UBA3: variants seen among roughly 807,000 people sequenced by gnomAD.
The protein encoded by UBA3 is NEDD8-activating enzyme E1 catalytic subunit.
A neutral mutation model predicts 73.5 loss-of-function variants in UBA3; 26 were observed. That is an observed-to-expected ratio of 0.35 (90% CI 0.26 to 0.49). The LOEUF is 0.49. Among genes scored for constraint, UBA3 ranks in the 20% least tolerant of loss-of-function variants. The probability of loss-of-function intolerance (pLI) is 0.98; values close to 1 mark genes in which losing one functional copy is unlikely to be tolerated. For synonymous variants in UBA3, 217 were observed against 191.2 expected (o/e 1.13, Z -1.11); for missense variants, 495 against 555.6 (o/e 0.89, Z 1.10).
Position 69,062,085 on chromosome 3 carries a change from G to T in UBA3, c.788C>A (p.Pro263His), listed in dbSNP as rs749341901. The change falls in exon 10 of 18, where the codon CCT becomes CAT. Residue 263 changes from proline to histidine, a missense_variant. Transcript: ENST00000361055. ...TAAATTAGGTTTATTACCTCCAAAA[G>T]GCTGCTCCTTAGGCCACTGCAACAT... Reference protein sequence around the residue: ...VRMLQWPKEQPFGEGVPLDGD... With the variant: ...VRMLQWPKEQHFGEGVPLDGD... 6.9e-6 allele frequency: 11 copies of T among 1,604,972 alleles called. No individual in the cohort carries two copies. Among genetic ancestry groups the T allele is most frequent in the Admixed American group, 1.7e-5 (1 of 59,398 alleles).
chr3:69,078,504 C>T (rs1485807095), intron 2 of UBA3, among the ~76,000 whole-genome samples: 3 of 152,074 alleles, frequency 2.0e-5, no homozygotes, highest in Non-Finnish European at 4.4e-5. Context: ...GACAGAGTCT[C>T]ACTGTGTTGC....
intron 2 of UBA3, 103 bp downstream of exon 2, chr3:69,080,009 C>T: frequency 9.0e-7 from 1 of 1,112,802 alleles, no homozygotes; most frequent in Non-Finnish European, 1.3e-6. Flanking sequence ...CTCCGGGTGT[C>T]CCCCTCCCAG....
chr3:69,062,093 C>T lies in UBA3; in HGVS notation c.780G>A (p.Lys260=). 6.2e-7 allele frequency: 1 copy of T among 1,611,608 alleles called. No individual in the cohort carries two copies. The highest frequency in any genetic ancestry group is 8.5e-7 in the Non-Finnish European group (1 of 1,178,254). ...GTTTATTACCTCCAAAAGGCTGCTCCTTAGGCCACTGCAACATCCTTACAT... is the reference window on the plus strand; with the variant it reads ...GTTTATTACCTCCAAAAGGCTGCTCTTTAGGCCACTGCAACATCCTTACAT... ...IEYVRMLQWP[K]EQPFGEGVPL... The change falls in exon 10 of 18, where the codon AAG becomes AAA. Residue 260 remains lysine, a synonymous_variant. Transcript: ENST00000361055.
At chr3:69,063,378 T>G in intron 8 of UBA3, 61 bp downstream of exon 8, 1 of 1,496,960 alleles carries the variant, frequency 6.7e-7, no homozygotes, top group South Asian at 1.2e-5. Context: ...ATTCTAATTT[T>G]GGGGATGTGA....
chr3:69,059,724 G>T (rs1239800064), intron 11 of UBA3, among the ~76,000 whole-genome samples: 2 of 152,058 alleles, frequency 1.3e-5, no homozygotes, highest in African/African-American at 4.8e-5. Context: ...TAAATGTAAG[G>T]AAATAATCAC....
At position 69,071,502 on chromosome 3, in the gene UBA3, A is replaced by G. The variant is rs761540546; in HGVS notation, c.347+33T>C. 18 of 1,261,604 alleles carry G rather than the reference A, an allele frequency of 1.4e-5. No homozygotes were observed. In the African/African-American group the frequency reaches 2.8e-4, roughly 19 times the overall value. 78.2% of individuals were successfully genotyped at this position (1,261,604 alleles called of 1,614,324 possible). On this transcript the variant is annotated intron_variant, in intron 5 of 17. Coordinates refer to ENST00000361055, the MANE Select transcript of UBA3 (RefSeq NM_003968.4). ...AAGTTCAAATGATTATCAGAGCTTA[A>G]AAAAAGAAAACCGCTAAGATATTAA...
At chr3:69,073,551 A>G (rs188573160) in intron 4 of UBA3, among the ~76,000 whole-genome samples, 168 of 152,300 alleles carry the variant, frequency 1.1e-3, no homozygotes, top group African/African-American at 3.9e-3. Flanking sequence ...TATTTGTTCA[A>G]TGCTGTATCT....
rs201512751 is a variant in UBA3 at position 69,080,346 on chromosome 3, T to C, written c.8A>G (p.Asp3Gly). 3.1e-4 allele frequency: 500 copies of C among 1,595,748 alleles called. 3 individuals carry two copies. In the African/African-American group the frequency reaches 6.0e-3, roughly 19 times the overall value. MA[D>G]GEEPEKKRRR... The stretch of plus-strand genomic sequence containing the variant: ...CCCCGGTACTTACGGCTCCTCGCCA[T>C]CCGCCATATTGTTCTCCGCCTCTTC... Residue 3 changes from aspartate to glycine, a missense_variant, in exon 1 of 18, where the codon GAT becomes GGT. Transcript: ENST00000361055.
At chr3:69,057,924 CTT>C (rs368333207) in intron 11 of UBA3, among the ~76,000 whole-genome samples, 6 of 115,468 alleles carry the variant, frequency 5.2e-5, no homozygotes, top group East Asian at 4.9e-4. Flanking sequence ...CCACATTTTT[CTT>C]TTTTTTTTTT....
chr3:69,060,296 A>C (rs2092011143), intron 11 of UBA3, among the ~76,000 whole-genome samples: 2 of 152,126 alleles, frequency 1.3e-5, no homozygotes, highest in African/African-American at 2.4e-5. Flanking sequence ...AAAACAAAAA[A>C]AAAAAGACAC....
chr3:69,056,594 GTTC>G lies in UBA3; in HGVS notation c.1083+15_1083+17del. 2 of 1,578,058 alleles carry G rather than the reference GTTC, an allele frequency of 1.3e-6. No homozygotes were observed. Among genetic ancestry groups the G allele is most frequent in the Non-Finnish European group, 1.7e-6 (2 of 1,155,836 alleles). On this transcript the variant is annotated intron_variant, in intron 14 of 17. Transcript: ENST00000361055. ...TCAAAATATGCATGATCAAAAATGT[GTTC>G]TTAATACTACTAACCTTTCTTTCTG...
At chr3:69,064,235 G>C (rs1240225084) in intron 6 of UBA3, 124 bp from the exon 7 acceptor site, 18 of 757,490 alleles carry the variant, frequency 2.4e-5, no homozygotes, top group Non-Finnish European at 3.4e-5. Flanking sequence ...GTTCACATCA[G>C]TGGAATTCAA....
chr3:69,061,759 C>T, intron 11 of UBA3, 55 bp downstream of exon 11: 3 of 1,157,476 alleles, frequency 2.6e-6, no homozygotes, highest in Non-Finnish European at 3.7e-6. Context: ...CTCCTGAAAG[C>T]ATCCCAGCCC....
chr3:69,080,311 G>A (rs1478436780), intron 1 of UBA3, 23 bp downstream of exon 1: 3 of 1,603,996 alleles, frequency 1.9e-6, no homozygotes, highest in African/African-American at 2.7e-5. Context: ...AGCCCGGCGC[G>A]TCTGCAGAGC....
chr3:69,064,039 T>A lies in UBA3; in HGVS notation c.472+29A>T, dbSNP rs2092045876. ...CAACTAAAAAATTCTAAGAATCTAG[T>A]GAGCATTAATTTCAAGTAAAAAACT... On this transcript the variant is annotated intron_variant, in intron 7 of 17. Transcript: ENST00000361055. 3.8e-6 allele frequency: 6 copies of A among 1,577,308 alleles called. No individual in the cohort carries two copies. In the South Asian group the frequency reaches 4.7e-5, roughly 12 times the overall value.
intron 12 of UBA3, 50 bp from the exon 13 acceptor site, chr3:69,056,865 T>A (rs774819522): frequency 2.5e-6 from 4 of 1,572,720 alleles, no homozygotes; most frequent in East Asian, 4.5e-5. Context: ...AAATTAGGCA[T>A]GTTAAAAGTC....
At position 69,062,065 on chromosome 3, in the gene UBA3, T is replaced by C. The variant is rs2092026644; in HGVS notation, c.796+12A>G. 1 of 1,546,506 alleles carries C rather than the reference T, an allele frequency of 6.5e-7. No individual in the cohort carries two copies. Among genetic ancestry groups the C allele is most frequent in the Non-Finnish European group, 8.8e-7 (1 of 1,130,910 alleles). On this transcript the variant is annotated intron_variant, in intron 10 of 17. Transcript: ENST00000361055. ...TTTATGTAATTCTAGATTATTAAAT[T>C]AGGTTTATTACCTCCAAAAGGCTGC...
chr3:69,055,881 T>C lies in UBA3; in HGVS notation c.1273A>G (p.Thr425Ala). The C allele has an allele frequency of 6.2e-7, 1 of 1,612,870 alleles. No individual in the cohort carries two copies. The highest frequency in any genetic ancestry group is 1.1e-5 in the South Asian group (1 of 90,956). Residue 425 changes from threonine to alanine, a missense_variant, in exon 17 of 18, where the codon ACA becomes GCA. By Grantham distance (58) the Thr-to-Ala change is moderately conservative (BLOSUM62 0). Coordinates refer to ENST00000361055, the MANE Select transcript of UBA3 (RefSeq NM_003968.4). Reference protein sequence around the residue: ...LQSVTSIEERTRPNLSKTLKE... With the variant: ...LQSVTSIEERARPNLSKTLKE... ...AATGTTTTGGAGAGATTTGGCCTTG[T>C]TCGTTCTTCAATAGAGGTTACCGAC...
At position 69,075,680 on chromosome 3, in the gene UBA3, C is replaced by G. The variant is rs148737383; in HGVS notation, c.184-170G>C. ...TTGAAATTTGTGAATTCTATTGAAC[C>G]AGGAATTCTAAAACTCTAATGATTT... On this transcript the variant is annotated intron_variant, in intron 3 of 17. Transcript: ENST00000361055. 2.3e-3 allele frequency among the ~76,000 whole-genome samples: 347 copies of G among 152,042 alleles called. 6 individuals carry two copies. In the East Asian group the frequency reaches 0.053, roughly 23 times the overall value.
Sources: gnomAD v4.1 joint callset for allele counts (sites outside exome capture counted in the v4.1 genomes callset) on GRCh38, gnomAD v4.1.1 for gene constraint, MANE v1.5 for transcripts, NCBI Gene and HGNC (gene_info 2026-07-23, HGNC 2026-07-21) for gene names.